ADGRL3: variants seen among roughly 807,000 people sequenced by gnomAD.
ADGRL3 encodes the protein calcium-independent alpha-latrotoxin receptor 3.
A neutral mutation model predicts 153.5 loss-of-function variants in ADGRL3; 62 were observed. The observed-to-expected ratio is 0.40, with a 90% confidence interval of 0.33 to 0.50. The LOEUF (loss-of-function observed/expected upper bound fraction) is 0.50, where lower values mean the gene tolerates loss of function less well. ADGRL3 is among the 20% of genes least tolerant of loss of function. ADGRL3 has a pLI of 0.47. For missense variants in ADGRL3, 1,641 were observed against 1,859.4 expected, an observed-to-expected ratio of 0.88 and a Z score of 2.16; for synonymous variants, 710 against 672.5, an observed-to-expected ratio of 1.06 and a Z score of -0.86.
chr4:61,702,670 G>A (rs1205880874), intron 6 of ADGRL3, among the ~76,000 whole-genome samples: 2 of 152,028 alleles, frequency 1.3e-5, no homozygotes, highest in African/African-American at 2.4e-5. Context: ...TTTGCTGAAA[G>A]CCTCTAGAAA....
chr4:61,440,134 C>T (rs335283), intron 2 of ADGRL3, among the ~76,000 whole-genome samples: 141,746 of 152,160 alleles, frequency 0.93, 66,866 homozygotes, highest in East Asian at 1. Flanking sequence ...CTGCAACCTC[C>T]ACCTCCCAGG....
Position 61,700,014 on chromosome 4 carries a change from A to T in ADGRL3, c.583+23079A>T, listed in dbSNP as rs138347048. On this transcript the variant is annotated intron_variant, in intron 6 of 26. Transcript: ENST00000683033. ...GAGAGAGAGAAGACATATGTATGTC[A>T]TGTGGGCTCTGTAAGTTGTTATAAG... Among the ~76,000 whole-genome samples the T allele has an allele frequency of 5.3e-3, 808 of 152,154 alleles. 4 individuals carry two copies. The highest frequency in any genetic ancestry group is 0.024 in the Middle Eastern group (7 of 294).
At chr4:61,392,684 C>CA (rs397993633) in intron 2 of ADGRL3, among the ~76,000 whole-genome samples, 977 of 13,368 alleles carry the variant, frequency 0.073, 132 homozygotes, top group East Asian at 0.42. Context: ...GACTCCATCT[C>CA]AAAAAAAAAA....
At chr4:62,051,688 G>C (rs1424436258) in intron 25 of ADGRL3, among the ~76,000 whole-genome samples, 1 of 151,450 alleles carries the variant, frequency 6.6e-6, no homozygotes, top group Non-Finnish European at 1.5e-5. Context: ...TAAAAAGAGA[G>C]GTTTTAAAAA....
chr4:61,820,798 A>T (rs1389445500), intron 9 of ADGRL3, among the ~76,000 whole-genome samples: 1 of 152,140 alleles, frequency 6.6e-6, no homozygotes, highest in African/African-American at 2.4e-5. Flanking sequence ...ACTCATTAAA[A>T]GTTAGAGTTC....
chr4:61,822,781 A>T (rs1046417019), intron 9 of ADGRL3, among the ~76,000 whole-genome samples: 1 of 152,114 alleles, frequency 6.6e-6, no homozygotes, highest in Admixed American at 6.6e-5. Flanking sequence ...AAAGGAGCCA[A>T]TTGAGAAGGG....
At chr4:61,570,125 A>G (rs535611605) in intron 4 of ADGRL3, among the ~76,000 whole-genome samples, 4 of 152,270 alleles carry the variant, frequency 2.6e-5, no homozygotes, top group African/African-American at 7.2e-5. Flanking sequence ...CATCATTTAC[A>G]TAACTGATTT....
chr4:61,909,757 A>G lies in ADGRL3; in HGVS notation c.2073+12A>G, dbSNP rs1276810493. On this transcript the variant is annotated intron_variant, in intron 12 of 26. Coordinates refer to ENST00000683033, the MANE Select transcript of ADGRL3 (RefSeq NM_001387552.1). ...GGAGTTTGAACAAGGTAAGGACCCT[A>G]ATTATGTGTGTGTGTGTGTGTGTGT... 7.3e-7 allele frequency: 1 copy of G among 1,370,350 alleles called. No individual in the cohort carries two copies. The highest frequency in any genetic ancestry group is 9.8e-7 in the Non-Finnish European group (1 of 1,017,372). The allele number at this position is 1,370,350 out of a possible 1,614,324, so 84.9% of individuals were successfully genotyped here. A position where few individuals can be genotyped will look rare whatever the true frequency, so the allele number is the denominator to read the frequency against.
intron 12 of ADGRL3, 32 bp downstream of exon 12, chr4:61,909,777 G>A (rs1390234060): frequency 2.3e-5 from 31 of 1,338,912 alleles, no homozygotes; most frequent in Admixed American, 5.4e-5. Context: ...GTGTGTGTGT[G>A]TGTGTGTGTG....
chr4:61,802,064 G>A (rs1039885823), intron 8 of ADGRL3, among the ~76,000 whole-genome samples: 5 of 152,054 alleles, frequency 3.3e-5, no homozygotes, highest in African/African-American at 1.2e-4. Context: ...TCATATGCTA[G>A]CCCTCTGAAT....
chr4:61,990,889 ATTC>A (rs2099101268), intron 19 of ADGRL3, among the ~76,000 whole-genome samples: 1 of 151,414 alleles, frequency 6.6e-6, no homozygotes, highest in African/African-American at 2.4e-5. Flanking sequence ...CGAGTATCAC[ATTC>A]CTAATCTGTA....
At chr4:61,814,438 G>T (rs1437983690) in intron 9 of ADGRL3, among the ~76,000 whole-genome samples, 1 of 151,796 alleles carries the variant, frequency 6.6e-6, no homozygotes, top group Non-Finnish European at 1.5e-5. Flanking sequence ...AAAATTAAAG[G>T]TAACATTTAC....
chr4:61,330,306 A>T (rs1346356443), intron 1 of ADGRL3, among the ~76,000 whole-genome samples: 3 of 152,156 alleles, frequency 2.0e-5, no homozygotes, highest in East Asian at 1.9e-4. Flanking sequence ...CTGAGCCAAG[A>T]AGATAGCCCT....
At chr4:61,976,261 G>A (rs1049652539) in intron 17 of ADGRL3, among the ~76,000 whole-genome samples, 2 of 152,076 alleles carry the variant, frequency 1.3e-5, no homozygotes, top group African/African-American at 4.8e-5. Context: ...TATCACATTG[G>A]TACAACTATA....
intron 2 of ADGRL3, among the ~76,000 whole-genome samples, chr4:61,416,291 C>T (rs996242974): frequency 2.7e-5 from 4 of 150,096 alleles, no homozygotes; most frequent in East Asian, 1.9e-4. Context: ...CAGGAAAAGC[C>T]GAAACTGTGA....
rs1225150242 is a variant in ADGRL3, at chr4:61,674,146, T to TTAAA, written c.474-2678_474-2677insAATA. ...AATATGTAAATTTGTCGATGCATTT[T>TTAAA]TAGATAGATAGATAGATAGATAGAT... On this transcript the variant is annotated intron_variant, in intron 5 of 26. Coordinates refer to ENST00000683033, the MANE Select transcript of ADGRL3 (RefSeq NM_001387552.1). Among the ~76,000 whole-genome samples the TTAAA allele has an allele frequency of 3.9e-3, 580 of 147,438 alleles. 4 individuals carry two copies. The highest frequency in any genetic ancestry group is 0.014 in the African/African-American group (548 of 40,200).
Position 61,275,351 on chromosome 4 carries a change from G to A in ADGRL3, c.-240+73586G>A, listed in dbSNP as rs1046266557. Among the ~76,000 whole-genome samples the A allele has an allele frequency of 2.6e-5, 4 of 152,130 alleles. No homozygotes were observed. In the East Asian group the frequency reaches 7.7e-4, roughly 29 times the overall value. On this transcript the variant is annotated intron_variant, in intron 1 of 26. Coordinates refer to ENST00000683033, the MANE Select transcript of ADGRL3 (RefSeq NM_001387552.1). Reference sequence around the variant, plus strand: ...ACCTGATAAAACACTTTCTTCAGTAGTCACAAAAGTTACCATTTAATGATA... The same window carrying A: ...ACCTGATAAAACACTTTCTTCAGTAATCACAAAAGTTACCATTTAATGATA...
chr4:61,523,118 A>G (rs1295409978), intron 4 of ADGRL3, among the ~76,000 whole-genome samples: 1 of 151,888 alleles, frequency 6.6e-6, no homozygotes, highest in Non-Finnish European at 1.5e-5. Context: ...TGAGACGATG[A>G]TGAGTAATCC....
rs113550616 is a variant in ADGRL3 at position 61,294,657 on chromosome 4, C to T, written c.-239-88467C>T. On this transcript the variant is annotated intron_variant, in intron 1 of 26. Coordinates refer to ENST00000683033, the MANE Select transcript of ADGRL3 (RefSeq NM_001387552.1). ...TGTTCTGTCTTATAATCAGAGGCAT[C>T]TTATCATTGTTGAAATATGGTTCAT... Among the ~76,000 whole-genome samples, 148 of 152,112 alleles carry T rather than the reference C, an allele frequency of 9.7e-4. 1 individual carries two copies. The highest frequency in any genetic ancestry group is 3.4e-3 in the African/African-American group (142 of 41,486).
Sources: allele counts gnomAD v4.1 joint callset (sites outside exome capture counted in the v4.1 genomes callset), GRCh38; gene constraint gnomAD v4.1.1; transcripts MANE v1.5; gene names NCBI Gene and HGNC (gene_info 2026-07-23, HGNC 2026-07-21).